FRAS1: variants seen among roughly 807,000 people sequenced by gnomAD.
FRAS1 encodes extracellular matrix organizing protein FRAS1.
A neutral mutation model predicts 435.2 loss-of-function variants in FRAS1; 290 were observed. That is an observed-to-expected ratio of 0.67 (90% CI 0.61 to 0.73). The LOEUF (loss-of-function observed/expected upper bound fraction) is 0.73. Ranked by LOEUF, FRAS1 falls within the 30% of genes least tolerant of loss-of-function variation. The pLI is 0.00. For synonymous variants in FRAS1, 1,800 were observed against 1,851.0 expected (o/e 0.97, Z 0.71); for missense variants, 4,860 against 5,001.5 (o/e 0.97, Z 0.85).
At chr4:78,450,393 T>A in intron 45 of FRAS1, 54 bp downstream of exon 45, 1 of 1,410,496 alleles carries the variant, frequency 7.1e-7, no homozygotes, top group Non-Finnish European at 1.0e-6. Flanking sequence ...CCTACACTAG[T>A]AAAATGAGAA....
At chr4:78,315,461 A>G in intron 15 of FRAS1, 133 bp from the exon 16 acceptor site, 26 of 907,348 alleles carry the variant, frequency 2.9e-5, no homozygotes, top group Non-Finnish European at 4.3e-5. Context: ...AATCAAGGAA[A>G]CAGAATTTTG....
intron 2 of FRAS1, among the ~76,000 whole-genome samples, chr4:78,162,829 G>A (rs962352217): frequency 6.6e-6 from 1 of 152,214 alleles, no homozygotes; most frequent in African/African-American, 2.4e-5. Context: ...GTTAGACATG[G>A]TTTTAATTCC....
intron 19 of FRAS1, among the ~76,000 whole-genome samples, chr4:78,336,450 A>G (rs967374233): frequency 6.6e-6 from 1 of 152,052 alleles, no homozygotes; most frequent in African/African-American, 2.4e-5. Flanking sequence ...CAGCAGATGG[A>G]TGGTACCATA....
chr4:78,488,846 T>C, intron 58 of FRAS1, 29 bp from the exon 59 acceptor site: 2 of 1,598,942 alleles, frequency 1.3e-6, no homozygotes, highest in Non-Finnish European at 1.7e-6. Context: ...CCACTAATGG[T>C]GCGTCTGTCT....
intron 14 of FRAS1, among the ~76,000 whole-genome samples, chr4:78,290,272 T>G (rs1044784716): frequency 6.6e-6 from 1 of 152,172 alleles, no homozygotes; most frequent in African/African-American, 2.4e-5. Flanking sequence ...AATGTTTTGT[T>G]TGTCTACTTA....
chr4:78,404,313 A>G (rs1733017430), intron 30 of FRAS1, among the ~76,000 whole-genome samples: 1 of 152,078 alleles, frequency 6.6e-6, no homozygotes, highest in East Asian at 1.9e-4. Context: ...AATCCCCAGT[A>G]GAGATCATTT....
At chr4:78,139,712 A>G (rs1253400209) in intron 2 of FRAS1, among the ~76,000 whole-genome samples, 2 of 152,246 alleles carry the variant, frequency 1.3e-5, no homozygotes, top group Non-Finnish European at 2.9e-5. Flanking sequence ...AGATTTAAAA[A>G]AAGACTGTGA....
At chr4:78,407,902 T>C in intron 31 of FRAS1, 61 bp downstream of exon 31, 1 of 1,387,756 alleles carries the variant, frequency 7.2e-7, no homozygotes, top group Non-Finnish European at 9.6e-7. Context: ...ATCGCTCTTA[T>C]TTATAATCAA....
Position 78,318,965 on chromosome 4 carries a change from G to A in FRAS1, c.2116G>A (p.Glu706Lys), listed in dbSNP as rs1364074556. 2 of 1,613,794 alleles carry A rather than the reference G, an allele frequency of 1.2e-6. No individual in the cohort carries two copies. The highest frequency in any genetic ancestry group is 8.5e-7 in the Non-Finnish European group (1 of 1,179,836). The change falls in exon 18 of 74, where the codon GAG becomes AAG. Residue 706 changes from glutamate (E) to lysine (K), a missense_variant. Coordinates refer to ENST00000512123, the MANE Select transcript of FRAS1 (RefSeq NM_025074.7). ...CCAGTGTAGAGCCCATTTTTACTTG[G>A]AGAGCACTGGCATATGTGAAGGTAA... is the stretch of plus-strand genomic sequence containing the variant. ...LAQCRAHFYL[E>K]STGICEACHQ... is the part of the protein sequence containing the mutation.
At chr4:78,068,609 T>C (rs1230017805) in intron 2 of FRAS1, 7 of 456,124 alleles carry the variant, frequency 1.5e-5, no homozygotes, top group African/African-American at 4.0e-5. Flanking sequence ...ACTGGACTTA[T>C]CATCTAATTA....
At chr4:78,249,156 C>G (rs10461146) in intron 4 of FRAS1, among the ~76,000 whole-genome samples, 36,504 of 135,808 alleles carry the variant, frequency 0.27, 5,827 homozygotes, top group East Asian at 0.37. Context: ...AACACTCACT[C>G]TGGGGAAGGA....
At chr4:78,095,104 A>G (rs1741728412) in intron 2 of FRAS1, among the ~76,000 whole-genome samples, 1 of 152,230 alleles carries the variant, frequency 6.6e-6, no homozygotes, top group Non-Finnish European at 1.5e-5. Flanking sequence ...ATATCAGTAA[A>G]TAAATAAATG....
chr4:78,259,416 G>A (rs1287637277), intron 6 of FRAS1, among the ~76,000 whole-genome samples: 3 of 147,662 alleles, frequency 2.0e-5, no homozygotes, highest in African/African-American at 4.9e-5. Context: ...GTGTGAGATG[G>A]TATCTCATTG....
chr4:78,464,323 C>A, intron 48 of FRAS1, 120 bp from the exon 49 acceptor site: 2 of 1,438,774 alleles, frequency 1.4e-6, no homozygotes, highest in Non-Finnish European at 1.9e-6. Flanking sequence ...CACTCTGGGG[C>A]TCCTAATTAT....
chr4:78,360,578 T>C (rs1454701809), intron 20 of FRAS1, among the ~76,000 whole-genome samples: 3 of 152,146 alleles, frequency 2.0e-5, no homozygotes, highest in African/African-American at 7.2e-5. Flanking sequence ...AAAACAGGAA[T>C]AGATAGACGT....
intron 58 of FRAS1, among the ~76,000 whole-genome samples, chr4:78,483,083 T>C (rs190151360): frequency 2.0e-5 from 3 of 152,330 alleles, no homozygotes; most frequent in Admixed American, 2.0e-4. Flanking sequence ...ACTTTTGCTT[T>C]GAGCATGGGA....
At chr4:78,201,201 C>T (rs148965587) in intron 2 of FRAS1, among the ~76,000 whole-genome samples, 46 of 152,190 alleles carry the variant, frequency 3.0e-4, no homozygotes, top group African/African-American at 8.4e-4. Flanking sequence ...GTGGGAACAC[C>T]GGTGCTTTTC....
At chr4:78,502,159 C>T (rs1421639863) in intron 61 of FRAS1, among the ~76,000 whole-genome samples, 1 of 152,188 alleles carries the variant, frequency 6.6e-6, no homozygotes, top group Non-Finnish European at 1.5e-5. Flanking sequence ...TGTGATGCCT[C>T]CAGCTTTGTT....
At chr4:78,118,648 A>G (rs1230605921) in intron 2 of FRAS1, among the ~76,000 whole-genome samples, 2 of 152,140 alleles carry the variant, frequency 1.3e-5, no homozygotes, top group East Asian at 3.9e-4. Context: ...CTGGTGTGCC[A>G]TTTGCTAAGA....
Sources: allele counts gnomAD v4.1 joint callset (sites outside exome capture counted in the v4.1 genomes callset), GRCh38; gene constraint gnomAD v4.1.1; transcripts MANE v1.5; gene names NCBI Gene and HGNC (gene_info 2026-07-23, HGNC 2026-07-21).